Variants in NLRX1 observed in about 807,000 individuals in gnomAD.
NLRX1 encodes the protein NOD-like receptor X1.
A neutral mutation model predicts 74.2 loss-of-function variants in NLRX1; 67 were observed. The observed-to-expected ratio is 0.90, with a 90% CI of 0.74 to 1.11. The LOEUF (loss-of-function observed/expected upper bound fraction) is 1.11, where lower values mean the gene tolerates loss of function less well. NLRX1 is among the 50% of genes least tolerant of loss of function. The pLI is 0.00. For synonymous variants in NLRX1, 506 were observed against 559.1 expected, an observed-to-expected ratio of 0.91 and a Z score of 1.34; for missense variants, 1,191 against 1,305.4, an observed-to-expected ratio of 0.91 and a Z score of 1.35.
Position 119,172,941 on chromosome 11 carries a change from C to G in NLRX1, c.181C>G (p.Pro61Ala). 1 of 1,613,838 alleles carries G rather than the reference C, an allele frequency of 6.2e-7. No individual in the cohort carries two copies. The highest frequency in any genetic ancestry group is 1.7e-4 in the Middle Eastern group (1 of 6,060). ...RHHGSSVDSAPPPGRHGRLFP... is the reference protein window; with the variant it reads ...RHHGSSVDSAAPPGRHGRLFP... Reference sequence around the variant, plus strand: ...CCACGGAAGCTCGGTAGATAGCGCTCCCCCACCCGGGAGGCATGGACGGCT... The same window carrying G: ...CCACGGAAGCTCGGTAGATAGCGCTGCCCCACCCGGGAGGCATGGACGGCT... The change falls in exon 4 of 10, where the codon CCC (proline) becomes GCC (alanine). Residue 61 changes from proline to alanine, a missense_variant. Transcript: ENST00000409109.
chr11:119,176,596 A>G (rs1329829846), intron 6 of NLRX1, among the ~76,000 whole-genome samples: 1 of 150,094 alleles, frequency 6.7e-6, no homozygotes, highest in Non-Finnish European at 1.5e-5. Flanking sequence ...CTGAGACGGG[A>G]GAATTGCTTG....
At chr11:119,176,357 C>T (rs894816258) in intron 6 of NLRX1, among the ~76,000 whole-genome samples, 2 of 152,198 alleles carry the variant, frequency 1.3e-5, no homozygotes, top group Non-Finnish European at 2.9e-5. Flanking sequence ...AAGCAATCCT[C>T]CCACCTCAAC....
intron 9 of NLRX1, 26 bp downstream of exon 9, chr11:119,182,371 C>A (rs937653559): frequency 2.5e-6 from 4 of 1,598,734 alleles, no homozygotes; most frequent in African/African-American, 2.7e-5. Flanking sequence ...GGTCCCATTG[C>A]CCCCAGCCCT....
Position 119,180,264 on chromosome 11 carries a change from T to G in NLRX1, c.2243T>G (p.Val748Gly). ...DPAGLRTLLP[V>G]FLRARKLGLQ... ...GCTGGGCTGCGCACACTCCTGCCTG[T>G]CTTCCTGCGTGCCCGGAAGCTGGGG... Residue 748 changes from valine to glycine, a missense_variant, in exon 7 of 10, where the codon GTC becomes GGC. Transcript: ENST00000409109. 6.3e-7 allele frequency: 1 copy of G among 1,587,132 alleles called. No homozygotes were observed. Among genetic ancestry groups the G allele is most frequent in the Non-Finnish European group, 8.6e-7 (1 of 1,160,566 alleles).
In NLRX1 at chr11:119,173,544, C is replaced by A; in HGVS notation, c.295C>A (p.Gln99Lys). The change falls in exon 5 of 10, where the codon CAG becomes AAG. Residue 99 changes from glutamine (Q) to lysine (K), a missense_variant. Transcript: ENST00000409109. This position sits in a 1 kb window ranked among gnomAD's most constrained non-coding sequence, Gnocchi z 4.0. The part of the protein sequence containing the change: ...WFSRLPREER[Q>K]FGPTFALDTV... ...CAGCCGGCTGCCCAGGGAGGAGCGC[C>A]AGTTTGGCCCAACCTTTGCCCTAGA... is the stretch of plus-strand genomic sequence containing the variant. 3 of 1,614,158 alleles carry A rather than the reference C, an allele frequency of 1.9e-6. No individual in the cohort carries two copies. Among genetic ancestry groups the A allele is most frequent in the Non-Finnish European group, 2.5e-6 (3 of 1,180,032 alleles).
At position 119,173,110 on chromosome 11, in the gene NLRX1, C is replaced by G. The variant is rs1441638962; in HGVS notation, c.229+121C>G. ...CATCTTCCATCGGTGGTCCCTCCTC[C>G]TCTCTCTCTCTCCCTCCCATCCGTC... On this transcript the variant is annotated intron_variant, in intron 4 of 9. Coordinates refer to ENST00000409109, the MANE Select transcript of NLRX1 (RefSeq NM_001282144.2). This position sits in a 1 kb window ranked among gnomAD's most constrained non-coding sequence, Gnocchi z 4.0. 1.5e-6 allele frequency: 1 copy of G among 668,472 alleles called. No homozygotes were observed. The highest frequency in any genetic ancestry group is 1.8e-5 in the African/African-American group (1 of 55,814). The allele number at this position is 668,472 out of a possible 1,614,324, so 41.4% of individuals were successfully genotyped here.
At position 119,175,016 on chromosome 11, in the gene NLRX1, G is replaced by A. The variant is rs1948666724; in HGVS notation, c.1413G>A (p.Arg471=). 1 of 1,614,008 alleles carries A rather than the reference G, an allele frequency of 6.2e-7. No individual in the cohort carries two copies. Among genetic ancestry groups the A allele is most frequent in the Admixed American group, 1.7e-5 (1 of 60,004 alleles). The change falls in exon 6 of 10, where the codon CGG becomes CGA. Residue 471 remains arginine, a synonymous_variant. Coordinates refer to ENST00000409109, the MANE Select transcript of NLRX1 (RefSeq NM_001282144.2). ...TTCAGCTGCTGCACATCTTCCGTCGGGATGCCCTGAGGTTTTTCCTGGCCC... is the reference window on the plus strand; with the variant it reads ...TTCAGCTGCTGCACATCTTCCGTCGAGATGCCCTGAGGTTTTTCCTGGCCC... The part of the protein sequence containing the change: ...EEFQLLHIFR[R]DALRFFLAPC...
chr11:119,182,370 G>A, intron 9 of NLRX1, 25 bp downstream of exon 9: 2 of 1,599,404 alleles, frequency 1.3e-6, no homozygotes, highest in South Asian at 1.1e-5. Flanking sequence ...TGGTCCCATT[G>A]CCCCCAGCCC....
At chr11:119,174,352 G>A in intron 5 of NLRX1, 101 bp from the exon 6 acceptor site, 1 of 1,236,466 alleles carries the variant, frequency 8.1e-7, no homozygotes, top group South Asian at 1.4e-5. Context: ...CCTCATCAAT[G>A]TCTTCATCCT....
At position 119,183,844 on chromosome 11, in the gene NLRX1, G is replaced by A; in HGVS notation, c.*405G>A. On this transcript the variant is annotated 3_prime_UTR_variant, in exon 10 of 10. Transcript: ENST00000409109. The surrounding 1 kb of genome is among the most constrained non-coding windows in gnomAD (Gnocchi z 5.7). ...AGGGGTGTCGCCATCCAGATGTGTTGGAAGCTTCCCCTCCTGCCTTATGCT... is the reference window on the plus strand; with the variant it reads ...AGGGGTGTCGCCATCCAGATGTGTTAGAAGCTTCCCCTCCTGCCTTATGCT... The A allele has an allele frequency of 2.6e-6, 2 of 780,824 alleles. No homozygotes were observed. Among genetic ancestry groups the A allele is most frequent in the South Asian group, 1.3e-5 (1 of 74,612 alleles). 48.4% of individuals were successfully genotyped at this position (780,824 alleles called of 1,614,324 possible). A position where few individuals can be genotyped will look rare whatever the true frequency, so the allele number is the denominator to read the frequency against.
rs1277976683 is a variant in NLRX1, at chr11:119,183,793, G to C, written c.*354G>C. On this transcript the variant is annotated 3_prime_UTR_variant, in exon 10 of 10. Coordinates refer to ENST00000409109, the MANE Select transcript of NLRX1 (RefSeq NM_001282144.2). This position sits in a 1 kb window ranked among gnomAD's most constrained non-coding sequence, Gnocchi z 5.7. ...AGAGCCTCTGACTGTGTCACCAAGG[G>C]GCTCACATCTTATGTCTGCCATGCC... The C allele has an allele frequency of 5.1e-6, 4 of 780,626 alleles. No individual in the cohort carries two copies. The highest frequency in any genetic ancestry group is 9.6e-6 in the Non-Finnish European group (4 of 417,940). The allele number at this position is 780,626 out of a possible 1,614,324, so 48.4% of individuals were successfully genotyped here.
At position 119,173,382 on chromosome 11, in the gene NLRX1, G is replaced by A. The variant is rs972875271; in HGVS notation, c.230-97G>A. On this transcript the variant is annotated intron_variant, in intron 4 of 9. Transcript: ENST00000409109. The surrounding 1 kb of genome is among the most constrained non-coding windows in gnomAD (Gnocchi z 4.0). ...CATTGTGGGCCCCAGCATCTATGCC[G>A]TGATGTCCCAGCCTGACCTCACCAC... 1.7e-5 allele frequency: 23 copies of A among 1,321,728 alleles called. No individual in the cohort carries two copies. Among genetic ancestry groups the A allele is most frequent in the East Asian group, 1.4e-4 (6 of 43,200 alleles). The allele number at this position is 1,321,728 out of a possible 1,614,324, so 81.9% of individuals were successfully genotyped here. A position where few individuals can be genotyped will look rare whatever the true frequency, so the allele number is the denominator to read the frequency against.
chr11:119,179,754 T>C lies in NLRX1; in HGVS notation c.1733T>C (p.Met578Thr). 6.2e-7 allele frequency: 1 copy of C among 1,613,662 alleles called. No homozygotes were observed. Among genetic ancestry groups the C allele is most frequent in the Non-Finnish European group, 8.5e-7 (1 of 1,179,726 alleles). The change falls in exon 7 of 10, where the codon ATG (methionine) becomes ACG (threonine). Residue 578 changes from methionine to threonine, a missense_variant. Coordinates refer to ENST00000409109, the MANE Select transcript of NLRX1 (RefSeq NM_001282144.2). ...AGCCGGGAGGCGGTGGCTCAGGCCA[T>C]GGTGCTGGAGATGTTTCGAGAGGAG... ...GKSREAVAQA[M>T]VLEMFREEDY...
In NLRX1 at chr11:119,181,247, A is replaced by G; in HGVS notation, c.2344A>G (p.Thr782Ala). Reference sequence around the variant, plus strand: ...GTTGCTGCATGACCAGTGCCAAATTACCACACTGCGGTGAGTGACCTGGGA... The same window carrying G: ...GTTGCTGCATGACCAGTGCCAAATTGCCACACTGCGGTGAGTGACCTGGGA... ...DLLLHDQCQI[T>A]TLRLSNNPLT... The change falls in exon 8 of 10, where the codon ACC becomes GCC. Residue 782 changes from threonine to alanine, a missense_variant. Coordinates refer to ENST00000409109, the MANE Select transcript of NLRX1 (RefSeq NM_001282144.2). 1.2e-6 allele frequency: 2 copies of G among 1,613,180 alleles called. No individual in the cohort carries two copies. The highest frequency in any genetic ancestry group is 1.7e-6 in the Non-Finnish European group (2 of 1,179,578).
chr11:119,179,667 G>A (rs1350643255), intron 6 of NLRX1, 26 bp from the exon 7 acceptor site: 2 of 1,380,648 alleles, frequency 1.4e-6, no homozygotes, highest in Admixed American at 1.9e-5. Context: ...GAAGGCCACA[G>A]TGACTCTCCC....
In NLRX1 at chr11:119,171,356, G is replaced by A. The variant is rs1273588072; in HGVS notation, c.-48G>A. ...TCCATTCGTACTATTCTTCTTGCAGGACAGAAGTCGGTCCTAGGCCCCCCA... is the reference window on the plus strand; with the variant it reads ...TCCATTCGTACTATTCTTCTTGCAGAACAGAAGTCGGTCCTAGGCCCCCCA... On this transcript the variant is annotated splice_region_variant and 5_prime_UTR_variant, in exon 2 of 10. Coordinates refer to ENST00000409109, the MANE Select transcript of NLRX1 (RefSeq NM_001282144.2). 6.2e-7 allele frequency: 1 copy of A among 1,608,770 alleles called. No individual in the cohort carries two copies. The highest frequency in any genetic ancestry group is 1.1e-5 in the South Asian group (1 of 90,800).
chr11:119,183,020 A>T lies in NLRX1; in HGVS notation c.2607-98A>T. ...TACCTGATCGCACTCTGCAGCCAGGAGATGAGTTGTGAGGCCCCCTGACTT... is the reference window on the plus strand; with the variant it reads ...TACCTGATCGCACTCTGCAGCCAGGTGATGAGTTGTGAGGCCCCCTGACTT... On this transcript the variant is annotated intron_variant, in intron 9 of 9. Coordinates refer to ENST00000409109, the MANE Select transcript of NLRX1 (RefSeq NM_001282144.2). This position sits in a 1 kb window ranked among gnomAD's most constrained non-coding sequence, Gnocchi z 5.7. 1 of 1,086,142 alleles carries T rather than the reference A, an allele frequency of 9.2e-7. No homozygotes were observed. 67.3% of individuals were successfully genotyped at this position (1,086,142 alleles called of 1,614,324 possible).
At chr11:119,174,412 A>T (rs1948637448) in intron 5 of NLRX1, 41 bp from the exon 6 acceptor site, 1 of 1,578,778 alleles carries the variant, frequency 6.3e-7, no homozygotes. Flanking sequence ...AGTCAACAGG[A>T]CACTAAGGTC....
intron 1 of NLRX1, among the ~76,000 whole-genome samples, chr11:119,170,592 C>T (rs1446255360): frequency 6.6e-6 from 1 of 152,116 alleles, no homozygotes; most frequent in African/African-American, 2.4e-5. Flanking sequence ...AGGCTGCTTA[C>T]ATAAAAGTCA....
Sources: gnomAD v4.1 joint callset for allele counts (sites outside exome capture counted in the v4.1 genomes callset) on GRCh38, gnomAD v4.1.1 for gene constraint, Gnocchi (gnomAD v3.1) non-coding constraint, MANE v1.5 for transcripts, NCBI Gene and HGNC (gene_info 2026-07-23, HGNC 2026-07-21) for gene names.